ADAM32: variants seen among roughly 807,000 people sequenced by gnomAD.
ADAM32 encodes disintegrin and metalloproteinase domain-containing protein 32.
In ADAM32, 89 loss-of-function variants were observed where a neutral mutation model predicts 114.9. The ratio of observed to expected loss-of-function variants is 0.77; its 90% CI spans 0.65 to 0.92. The LOEUF (loss-of-function observed/expected upper bound fraction) is 0.92. ADAM32 is among the 40% of genes least tolerant of loss of function. The pLI is 0.00. For missense variants in ADAM32, 870 were observed against 932.8 expected (o/e 0.93, Z 0.88); for synonymous variants, 285 against 307.5 (o/e 0.93, Z 0.77).
At chr8:39,226,338 C>T (rs547889340) in intron 14 of ADAM32, among the ~76,000 whole-genome samples, 230 of 152,068 alleles carry the variant, frequency 1.5e-3, no homozygotes, top group African/African-American at 4.9e-3. Flanking sequence ...ATAATAATAA[C>T]TGAAAACTTC....
chr8:39,281,587 C>T (rs1167287632), intron 23 of ADAM32, among the ~76,000 whole-genome samples: 2 of 152,138 alleles, frequency 1.3e-5, no homozygotes, highest in East Asian at 1.9e-4. Context: ...TGATTATTTC[C>T]ACTTAGGAAG....
intron 16 of ADAM32, among the ~76,000 whole-genome samples, chr8:39,240,397 A>G (rs1810481833): frequency 6.6e-6 from 1 of 152,194 alleles, no homozygotes; most frequent in African/African-American, 2.4e-5. Flanking sequence ...GACACAACCC[A>G]TCCAATCCTC....
chr8:39,111,647 C>T (rs1045620150), intron 1 of ADAM32, among the ~76,000 whole-genome samples: 4 of 144,904 alleles, frequency 2.8e-5, no homozygotes, highest in African/African-American at 7.8e-5. Flanking sequence ...CTTGAACCTG[C>T]GAGGTGGAGG....
At chr8:39,207,409 A>G (rs1357602569) in intron 11 of ADAM32, among the ~76,000 whole-genome samples, 1 of 152,112 alleles carries the variant, frequency 6.6e-6, no homozygotes, top group African/African-American at 2.4e-5. Flanking sequence ...TTTTATTCAT[A>G]CATTTTAAAA....
At chr8:39,205,833 CT>C (rs1807794133) in intron 11 of ADAM32, among the ~76,000 whole-genome samples, 1 of 152,232 alleles carries the variant, frequency 6.6e-6, no homozygotes, top group Admixed American at 6.5e-5. Flanking sequence ...CACTAAGTTT[CT>C]TTACTATCAT....
chr8:39,128,474 T>G (rs933773725), intron 2 of ADAM32, among the ~76,000 whole-genome samples: 1 of 152,216 alleles, frequency 6.6e-6, no homozygotes, highest in Non-Finnish European at 1.5e-5. Context: ...TTATCCAGCT[T>G]GCCAGTCTGT....
At chr8:39,261,741 T>G (rs994371798) in intron 19 of ADAM32, among the ~76,000 whole-genome samples, 6 of 152,184 alleles carry the variant, frequency 3.9e-5, no homozygotes, top group Admixed American at 2.6e-4. Context: ...ATAAAAGCCA[T>G]ACTAACTGGG....
chr8:39,245,744 A>T (rs901493813), intron 16 of ADAM32, among the ~76,000 whole-genome samples: 1 of 152,190 alleles, frequency 6.6e-6, no homozygotes, highest in African/African-American at 2.4e-5. Context: ...TTGTGGTGTC[A>T]GCCTAAGTAG....
intron 11 of ADAM32, among the ~76,000 whole-genome samples, chr8:39,210,754 A>G (rs911348500): frequency 6.6e-6 from 1 of 152,140 alleles, no homozygotes; most frequent in Non-Finnish European, 1.5e-5. Flanking sequence ...TTTTTCTGAG[A>G]TCTTCAGGAC....
At chr8:39,241,726 T>G (rs1810567163) in intron 16 of ADAM32, among the ~76,000 whole-genome samples, 1 of 152,216 alleles carries the variant, frequency 6.6e-6, no homozygotes, top group Non-Finnish European at 1.5e-5. Context: ...AAAGTCATTT[T>G]TTCCCTCCTA....
chr8:39,223,421 AAT>A lies in ADAM32; in HGVS notation c.1525+192_1525+193del, dbSNP rs1203964781. 1.0e-5 allele frequency: 3 copies of A among 296,590 alleles called. No homozygotes were observed. The East Asian group carries it at 1.8e-4, about 17-fold the overall frequency. 18.4% of individuals were successfully genotyped at this position (296,590 alleles called of 1,614,324 possible). A position where few individuals can be genotyped will look rare whatever the true frequency, so the allele number is the denominator to read the frequency against. On this transcript the variant is annotated intron_variant, in intron 14 of 24. Transcript: ENST00000379907. Reference sequence around the variant, plus strand: ...ATGTTTTATATAGTATAAAATGTGGAATATATATATTTTATTATATGTATAAG... The same window carrying A: ...ATGTTTTATATAGTATAAAATGTGGAATATATATTTTATTATATGTATAAG...
intron 3 of ADAM32, among the ~76,000 whole-genome samples, chr8:39,137,929 G>A (rs1265490125): frequency 6.6e-6 from 1 of 152,190 alleles, no homozygotes; most frequent in Non-Finnish European, 1.5e-5. Context: ...AGGAAAGTTA[G>A]AGAGCTCACA....
At chr8:39,233,647 T>C (rs1177717160) in intron 15 of ADAM32, among the ~76,000 whole-genome samples, 2 of 152,220 alleles carry the variant, frequency 1.3e-5, no homozygotes, top group Non-Finnish European at 2.9e-5. Flanking sequence ...AGCTTTGTTT[T>C]ACCTAGCCTC....
chr8:39,162,733 G>A, intron 7 of ADAM32, among the ~76,000 whole-genome samples: 1 of 152,096 alleles, frequency 6.6e-6, no homozygotes, highest in East Asian at 1.9e-4. Context: ...GTCGGGTGTG[G>A]TGCATGCCTG....
chr8:39,277,152 C>T (rs1443616878), intron 22 of ADAM32, among the ~76,000 whole-genome samples: 3 of 152,188 alleles, frequency 2.0e-5, no homozygotes, highest in African/African-American at 7.2e-5. Context: ...AATATATCAT[C>T]TCTCACCCTG....
At chr8:39,221,559 T>C (rs1808961726) in intron 12 of ADAM32, 51 bp from the exon 13 acceptor site, 1 of 1,389,768 alleles carries the variant, frequency 7.2e-7, no homozygotes, top group Non-Finnish European at 1.0e-6. Context: ...CTAGTAAAGA[T>C]TTTACTATTG....
rs188129060 is a variant in ADAM32, at chr8:39,235,878, T to C, written c.1818+1796T>C. Among the ~76,000 whole-genome samples, 357 of 152,314 alleles carry C rather than the reference T, an allele frequency of 2.3e-3. 2 individuals are homozygous for C. The highest frequency in any genetic ancestry group is 7.6e-3 in the African/African-American group (315 of 41,570). On this transcript the variant is annotated intron_variant, in intron 16 of 24. Transcript: ENST00000379907. ...TAGATTGTTTGTATTTAGAAGAGGT[T>C]TATGATGCCATTTATCTGAAGAAGG...
chr8:39,274,930 A>C (rs1225658038), intron 21 of ADAM32, among the ~76,000 whole-genome samples: 1 of 152,230 alleles, frequency 6.6e-6, no homozygotes, highest in Non-Finnish European at 1.5e-5. Context: ...ACTGGAGTTC[A>C]TGGGAAGCAT....
At position 39,172,338 on chromosome 8, in the gene ADAM32, C is replaced by T. The variant is rs576610712; in HGVS notation, c.915+2341C>T. ...CAATGAAAGCACTTTTTTTCTTCAG[C>T]GTTTAAGTTCTTGGGTACATATGCA... On this transcript the variant is annotated intron_variant, in intron 10 of 24. Coordinates refer to ENST00000379907, the MANE Select transcript of ADAM32 (RefSeq NM_145004.7). 3.8e-4 allele frequency among the ~76,000 whole-genome samples: 57 copies of T among 151,988 alleles called. 1 individual carries two copies. The South Asian group carries it at 0.011, about 29-fold the overall frequency.
Sources: allele counts gnomAD v4.1 joint callset (sites outside exome capture counted in the v4.1 genomes callset), GRCh38; gene constraint gnomAD v4.1.1; transcripts MANE v1.5; gene names NCBI Gene and HGNC (gene_info 2026-07-23, HGNC 2026-07-21).